Variants in MAF observed in about 807,000 individuals in gnomAD.
MAF encodes transcription factor Maf.
MAF carries 10 observed loss-of-function variants against 22.0 expected under a neutral mutation model. The ratio of observed to expected loss-of-function variants is 0.45; its 90% CI spans 0.28 to 0.77. The LOEUF (loss-of-function observed/expected upper bound fraction) is 0.77, where lower values mean the gene tolerates loss of function less well. Among genes scored for constraint, MAF ranks in the 30% least tolerant of loss-of-function variants. MAF has a pLI of 0.12. For synonymous variants in MAF, 337 were observed against 255.8 expected (o/e 1.32, Z -3.03); for missense variants, 544 against 548.4 (o/e 0.99, Z 0.08).
At chr16:79,433,395 T>G in the MAF span, among the ~76,000 whole-genome samples, 1 of 151,358 alleles carries the variant, frequency 6.6e-6, no homozygotes, top group Admixed American at 6.6e-5. Context: ...ATATAACTGA[T>G]TGTGTTGTCT....
At chr16:79,260,211 T>G in the MAF span, among the ~76,000 whole-genome samples, 2 of 152,152 alleles carry the variant, frequency 1.3e-5, no homozygotes, top group Admixed American at 1.3e-4. Context: ...AGTGCAGTGG[T>G]GCAGTCGTGG....
the MAF span, among the ~76,000 whole-genome samples, chr16:79,429,886 G>A: frequency 6.6e-6 from 1 of 152,128 alleles, no homozygotes; most frequent in Non-Finnish European, 1.5e-5. Flanking sequence ...ACCATAATTT[G>A]TAGGTCTTGC....
the MAF span, among the ~76,000 whole-genome samples, chr16:79,323,146 C>CT: frequency 2.0e-3 from 36 of 17,790 alleles, no homozygotes; most frequent in Non-Finnish European, 3.1e-3. Flanking sequence ...GAGACTCCAT[C>CT]TAAAAAAAAA....
the MAF span, among the ~76,000 whole-genome samples, chr16:79,294,256 G>C: frequency 1.4e-4 from 22 of 152,276 alleles, 1 homozygote; most frequent in South Asian, 2.9e-3. Flanking sequence ...CTTCCTCTTA[G>C]ACTCTTGTAT....
At chr16:79,460,253 G>T in the MAF span, among the ~76,000 whole-genome samples, 2 of 151,842 alleles carry the variant, frequency 1.3e-5, no homozygotes, top group Non-Finnish European at 2.9e-5. Flanking sequence ...TATTTTTTCC[G>T]GATTGGGCAT....
the MAF span, among the ~76,000 whole-genome samples, chr16:79,363,912 T>G: frequency 1.3e-5 from 2 of 152,270 alleles, no homozygotes; most frequent in East Asian, 3.9e-4. Context: ...GTAAGGGTAG[T>G]TGAGTTGGAG....
chr16:79,504,642 T>A, the MAF span, among the ~76,000 whole-genome samples: 1 of 151,956 alleles, frequency 6.6e-6, no homozygotes, highest in Non-Finnish European at 1.5e-5. Context: ...AATGGATGGA[T>A]AAATAAATGA....
At chr16:79,255,401 G>T in the MAF span, among the ~76,000 whole-genome samples, 1 of 152,180 alleles carries the variant, frequency 6.6e-6, no homozygotes, top group Non-Finnish European at 1.5e-5. Context: ...TACCTCCTGT[G>T]TCAAGTGACA....
the MAF span, among the ~76,000 whole-genome samples, chr16:79,270,203 C>G: frequency 6.6e-6 from 1 of 151,948 alleles, no homozygotes; most frequent in Non-Finnish European, 1.5e-5. Flanking sequence ...GCATCTAGCT[C>G]CCACAGAAGG....
At chr16:79,429,541 G>A in the MAF span, among the ~76,000 whole-genome samples, 1 of 152,168 alleles carries the variant, frequency 6.6e-6, no homozygotes. Context: ...CAGAGAGAGG[G>A]AGGCAGGCTG....
the MAF span, among the ~76,000 whole-genome samples, chr16:79,576,479 T>A: frequency 2.0e-5 from 3 of 152,140 alleles, no homozygotes; most frequent in Admixed American, 6.5e-5. Context: ...TCTCTGACCC[T>A]TAATTTTCCT....
chr16:79,252,507 C>T, the MAF span, among the ~76,000 whole-genome samples: 8 of 151,166 alleles, frequency 5.3e-5, no homozygotes, highest in South Asian at 2.1e-4. Flanking sequence ...TCTTTTTTTT[C>T]GAGATAGAGT....
chr16:79,366,942 G>T, the MAF span, among the ~76,000 whole-genome samples: 1 of 152,172 alleles, frequency 6.6e-6, no homozygotes, highest in Admixed American at 6.5e-5. Flanking sequence ...TCAGGGCTTG[G>T]TATATAGCAA....
At chr16:79,225,177 G>T in the MAF span, among the ~76,000 whole-genome samples, 2 of 152,048 alleles carry the variant, frequency 1.3e-5, no homozygotes, top group African/African-American at 4.8e-5. Context: ...TAGATTAATG[G>T]AACAGAACAA....
the MAF span, among the ~76,000 whole-genome samples, chr16:79,297,194 T>C: frequency 1.3e-5 from 2 of 152,296 alleles, no homozygotes; most frequent in African/African-American, 4.8e-5. Context: ...CCTAATATTA[T>C]GGGGTAGCAA....
At chr16:79,398,733 A>G in the MAF span, among the ~76,000 whole-genome samples, 1 of 152,004 alleles carries the variant, frequency 6.6e-6, no homozygotes. Flanking sequence ...CAAATCTCCC[A>G]CATCAGCCTG....
the MAF span, among the ~76,000 whole-genome samples, chr16:79,343,036 C>T: frequency 6.6e-6 from 1 of 152,150 alleles, no homozygotes; most frequent in Non-Finnish European, 1.5e-5. Flanking sequence ...TTGACACTAC[C>T]TGATAGTCAC....
At chr16:79,450,495 A>T in the MAF span, among the ~76,000 whole-genome samples, 1 of 152,196 alleles carries the variant, frequency 6.6e-6, no homozygotes, top group Non-Finnish European at 1.5e-5. Flanking sequence ...AACTGATTCA[A>T]ATAATAAGGA....
At chr16:79,445,526 G>C in the MAF span, among the ~76,000 whole-genome samples, 4 of 152,190 alleles carry the variant, frequency 2.6e-5, no homozygotes, top group Non-Finnish European at 5.9e-5. Context: ...TTAGAAGGCT[G>C]TAAGTCCAGA....
Sources: allele counts gnomAD v4.1 joint callset (sites outside exome capture counted in the v4.1 genomes callset), GRCh38; gene constraint gnomAD v4.1.1; transcripts MANE v1.5; gene names NCBI Gene and HGNC (gene_info 2026-07-23, HGNC 2026-07-21).